CDC42BPA: variants seen among roughly 807,000 people sequenced by gnomAD.
CDC42BPA encodes serine/threonine-protein kinase MRCK alpha.
In CDC42BPA, 80 loss-of-function variants were observed where a neutral mutation model predicts 223.5. That is an observed-to-expected ratio of 0.36 (90% CI 0.30 to 0.43). The LOEUF (loss-of-function observed/expected upper bound fraction) is 0.43. Ranked by LOEUF, CDC42BPA falls within the 20% of genes least tolerant of loss-of-function variation. CDC42BPA has a pLI of 1.00. For missense variants in CDC42BPA, 1,743 were observed against 2,099.9 expected (o/e 0.83, Z 3.32); for synonymous variants, 694 against 718.6 (o/e 0.97, Z 0.55).
chr1:227,307,955 T>C (rs1363807255), intron 1 of CDC42BPA, among the ~76,000 whole-genome samples: 1 of 152,206 alleles, frequency 6.6e-6, no homozygotes, highest in African/African-American at 2.4e-5. Context: ...GAGCATTAAC[T>C]TGATACTTAC....
chr1:227,073,817 G>T, intron 19 of CDC42BPA, 47 bp downstream of exon 19: 2 of 1,396,928 alleles, frequency 1.4e-6, no homozygotes, highest in South Asian at 1.4e-5. Context: ...AAATAATTAT[G>T]ACAAACTTAG....
At chr1:227,067,238 G>A (rs1677271621) in intron 21 of CDC42BPA, among the ~76,000 whole-genome samples, 1 of 152,154 alleles carries the variant, frequency 6.6e-6, no homozygotes. Context: ...AGCAGTGGCA[G>A]AGTGCCTGTG....
chr1:227,282,164 G>C (rs1442501086), intron 1 of CDC42BPA, among the ~76,000 whole-genome samples: 1 of 146,888 alleles, frequency 6.8e-6, no homozygotes, highest in African/African-American at 2.5e-5. Context: ...CTCCAGCCTG[G>C]GCAACAAAAG....
At chr1:227,265,579 A>T (rs151098517) in intron 1 of CDC42BPA, among the ~76,000 whole-genome samples, 146 of 151,684 alleles carry the variant, frequency 9.6e-4, no homozygotes, top group Non-Finnish European at 1.8e-3. Context: ...CAGTGACCCA[A>T]GATCACGCCA....
chr1:227,026,574 G>A (rs1426739192), intron 30 of CDC42BPA, among the ~76,000 whole-genome samples: 1 of 152,184 alleles, frequency 6.6e-6, no homozygotes, highest in Admixed American at 6.5e-5. Flanking sequence ...CTGTAGCACA[G>A]TTACATGAAT....
chr1:227,183,696 G>T (rs1331827949), intron 5 of CDC42BPA, among the ~76,000 whole-genome samples: 1 of 152,182 alleles, frequency 6.6e-6, no homozygotes, highest in Non-Finnish European at 1.5e-5. Context: ...ATCTTGACTT[G>T]TCTGGGATAA....
chr1:227,281,556 A>C (rs1028903165), intron 1 of CDC42BPA, among the ~76,000 whole-genome samples: 1 of 152,162 alleles, frequency 6.6e-6, no homozygotes, highest in Admixed American at 6.5e-5. Flanking sequence ...CACGCTTGCC[A>C]GTCTCCAGCT....
At chr1:227,060,026 T>G (rs896636074) in intron 21 of CDC42BPA, among the ~76,000 whole-genome samples, 5 of 85,642 alleles carry the variant, frequency 5.8e-5, no homozygotes, top group Non-Finnish European at 1.1e-4. Context: ...AAAAGTTTTT[T>G]TTTGTTTTTT....
intron 2 of CDC42BPA, among the ~76,000 whole-genome samples, chr1:227,233,956 A>T (rs1487952816): frequency 6.6e-6 from 1 of 152,150 alleles, no homozygotes; most frequent in Middle Eastern, 3.2e-3. Flanking sequence ...TAAATACATA[A>T]ATAAGCTAGA....
At chr1:227,271,492 A>G (rs1572763921) in intron 1 of CDC42BPA, among the ~76,000 whole-genome samples, 2 of 152,182 alleles carry the variant, frequency 1.3e-5, no homozygotes, top group South Asian at 4.1e-4. Flanking sequence ...TAAACATCTG[A>G]TAAAATTTTT....
intron 1 of CDC42BPA, among the ~76,000 whole-genome samples, chr1:227,272,243 T>C (rs868788605): frequency 6.6e-6 from 1 of 152,184 alleles, no homozygotes. Context: ...TAAAGTGTGT[T>C]CTAAAATTAT....
At chr1:227,137,697 C>T (rs191084666) in intron 10 of CDC42BPA, among the ~76,000 whole-genome samples, 24 of 146,082 alleles carry the variant, frequency 1.6e-4, no homozygotes, top group African/African-American at 5.5e-4. Flanking sequence ...AAAGAGCAAA[C>T]TGCTGATATA....
chr1:227,122,066 G>A (rs1688761644), intron 11 of CDC42BPA, among the ~76,000 whole-genome samples: 1 of 152,042 alleles, frequency 6.6e-6, no homozygotes, highest in Non-Finnish European at 1.5e-5. Flanking sequence ...CTCCCAAAGT[G>A]CTGGGATTAC....
intron 1 of CDC42BPA, among the ~76,000 whole-genome samples, chr1:227,259,457 C>G (rs749382824): frequency 6.6e-6 from 1 of 150,930 alleles, no homozygotes; most frequent in Non-Finnish European, 1.5e-5. Flanking sequence ...GGAAGTGTTC[C>G]GATAGCTTCC....
Position 227,031,219 on chromosome 1 carries a change from C to G in CDC42BPA, c.3775+79G>C, listed in dbSNP as rs1331213099. 2.7e-6 allele frequency: 3 copies of G among 1,120,200 alleles called. No homozygotes were observed. The Admixed American group carries it at 5.4e-5, about 20-fold the overall frequency. 69.4% of individuals were successfully genotyped at this position (1,120,200 alleles called of 1,614,324 possible). A position where few individuals can be genotyped will look rare whatever the true frequency, so the allele number is the denominator to read the frequency against. On this transcript the variant is annotated intron_variant, in intron 28 of 36. Coordinates refer to ENST00000366766, the MANE Select transcript of CDC42BPA (RefSeq NM_001394014.1). ...ACAGTATGTTGGACACTGGGGATTC[C>G]TAGATGAAAGCCAATCCCTGTTCTC...
intron 1 of CDC42BPA, among the ~76,000 whole-genome samples, chr1:227,283,238 T>C (rs979590799): frequency 2.0e-5 from 3 of 152,116 alleles, no homozygotes; most frequent in Non-Finnish European, 4.4e-5. Context: ...TTGTACATAT[T>C]TTTGTAAGCA....
chr1:227,107,850 C>G (rs1385805135), intron 14 of CDC42BPA, among the ~76,000 whole-genome samples: 2 of 152,138 alleles, frequency 1.3e-5, no homozygotes, highest in Non-Finnish European at 2.9e-5. Context: ...TTGTCCATTT[C>G]ATCTAGGTTA....
rs565845497 is a variant in CDC42BPA at position 227,133,207 on chromosome 1, G to A, written c.1391-3976C>T. Among the ~76,000 whole-genome samples, 45 of 150,846 alleles carry A rather than the reference G, an allele frequency of 3.0e-4. No homozygotes were observed. The East Asian group carries it at 8.1e-3, about 27-fold the overall frequency. ...CCTGGCCGGCTGCCCCGTCTGGGAGGGAGGTGGGGGGGTCAGCCCCCCGCC... is the reference window on the plus strand; with the variant it reads ...CCTGGCCGGCTGCCCCGTCTGGGAGAGAGGTGGGGGGGTCAGCCCCCCGCC... On this transcript the variant is annotated intron_variant, in intron 10 of 36. Transcript: ENST00000366766.
intron 4 of CDC42BPA, among the ~76,000 whole-genome samples, chr1:227,197,802 C>T (rs1001364916): frequency 6.6e-6 from 1 of 152,024 alleles, no homozygotes; most frequent in Non-Finnish European, 1.5e-5. Flanking sequence ...TGATACATTG[C>T]TATAATTTTT....
Sources: allele counts gnomAD v4.1 joint callset (sites outside exome capture counted in the v4.1 genomes callset), GRCh38; gene constraint gnomAD v4.1.1; transcripts MANE v1.5; gene names NCBI Gene and HGNC (gene_info 2026-07-23, HGNC 2026-07-21).